The following UBAP2L variants were observed in gnomAD, a reference collection of about 807,000 sequenced individuals.
UBAP2L encodes ubiquitin-associated protein 2-like.
UBAP2L carries 12 observed loss-of-function variants against 130.6 expected under a neutral mutation model. The observed-to-expected ratio is 0.09, with a 90% CI of 0.06 to 0.15. UBAP2L has a LOEUF of 0.15. Ranked by LOEUF, UBAP2L falls within the 10% of genes least tolerant of loss-of-function variation. The pLI is 1.00. For synonymous variants in UBAP2L, 503 were observed against 524.7 expected (o/e 0.96, Z 0.57); for missense variants, 965 against 1,332.5 (o/e 0.72, Z 4.29).
chr1:154,271,067 T>C (rs1345023402), downstream of UBAP2L: 1 of 931,188 alleles, frequency 1.1e-6, no homozygotes, highest in Non-Finnish European at 1.6e-6. Flanking sequence ...CCCTAAGACT[T>C]TCACAACCTG....
intron 7 of UBAP2L, among the ~76,000 whole-genome samples, 171 bp downstream of exon 7, chr1:154,236,782 A>C (rs1338073236): frequency 6.6e-6 from 1 of 152,182 alleles, no homozygotes; most frequent in African/African-American, 2.4e-5. Flanking sequence ...TATATTTTAT[A>C]TATCTTTATT....
rs372565414 is a variant in UBAP2L at position 154,261,721 on chromosome 1, C to A, written c.2902+24C>A. On this transcript the variant is annotated intron_variant, in intron 24 of 26. Transcript: ENST00000428931. Reference sequence around the variant, plus strand: ...TGGTAAGCTGACCTTGTCTCTGGCTCGGTGTTATCTGTGGGGTGTTATTGG... The same window carrying A: ...TGGTAAGCTGACCTTGTCTCTGGCTAGGTGTTATCTGTGGGGTGTTATTGG... The A allele has an allele frequency of 1.1e-5, 17 of 1,608,358 alleles. No individual in the cohort carries two copies. The South Asian group carries it at 1.6e-4, about 16-fold the overall frequency.
intron 3 of UBAP2L, among the ~76,000 whole-genome samples, chr1:154,228,220 C>T (rs1367764383): frequency 6.6e-6 from 1 of 151,300 alleles, no homozygotes; most frequent in Non-Finnish European, 1.5e-5. Flanking sequence ...CGGAGTCTTG[C>T]TCTGTGGTCC....
chr1:154,260,085 G>C (rs1681030776), intron 22 of UBAP2L, 56 bp downstream of exon 22: 2 of 1,541,610 alleles, frequency 1.3e-6, no homozygotes, highest in Non-Finnish European at 1.8e-6. Context: ...GGGATTGATG[G>C]CAGACACCTG....
chr1:154,269,653 C>T (rs372636633), intron 26 of UBAP2L: 288 of 346,616 alleles, frequency 8.3e-4, no homozygotes, highest in Non-Finnish European at 1.3e-3. Context: ...GGAAAAGATT[C>T]TTGGGGCAGC....
intron 25 of UBAP2L, among the ~76,000 whole-genome samples, chr1:154,267,877 G>GTTTTTT (rs1683753532): frequency 2.7e-5 from 2 of 73,616 alleles, no homozygotes; most frequent in Non-Finnish European, 6.1e-5. Context: ...CCTCTTATTT[G>GTTTTTT]GTCTTTTTTT....
chr1:154,225,027 G>C, intron 1 of UBAP2L, 57 bp from the exon 2 acceptor site: 1 of 1,139,560 alleles, frequency 8.8e-7, no homozygotes, highest in Admixed American at 2.0e-5. Flanking sequence ...GCTGATGAGA[G>C]AGTTAAAAAC....
chr1:154,243,404 A>G, intron 10 of UBAP2L, 102 bp downstream of exon 10: 4 of 908,198 alleles, frequency 4.4e-6, no homozygotes, highest in Non-Finnish European at 6.7e-6. Flanking sequence ...TGGTGTCAAT[A>G]ATAATAACCA....
intron 8 of UBAP2L, among the ~76,000 whole-genome samples, chr1:154,241,161 T>C (rs1388198796): frequency 6.6e-6 from 1 of 152,142 alleles, no homozygotes; most frequent in Non-Finnish European, 1.5e-5. Flanking sequence ...CGATCTCAGC[T>C]CACTGCAACC....
intron 21 of UBAP2L, 177 bp from the exon 22 acceptor site, chr1:154,259,771 G>C (rs572728365): frequency 8.9e-5 from 69 of 772,732 alleles, no homozygotes; most frequent in Middle Eastern, 8.9e-4. Context: ...TGGCCAGGCA[G>C]GGGGGACAGT....
intron 11 of UBAP2L, among the ~76,000 whole-genome samples, chr1:154,247,972 T>A (rs555833375): frequency 0.036 from 5,473 of 150,226 alleles, 137 homozygotes; most frequent in Middle Eastern, 0.075. Context: ...TTATTTATTT[T>A]TTATTTTTTT....
At chr1:154,252,278 A>ATTTT (rs1186353284) in intron 14 of UBAP2L, among the ~76,000 whole-genome samples, 1 of 108,998 alleles carries the variant, frequency 9.2e-6, no homozygotes, top group Non-Finnish European at 1.9e-5. Flanking sequence ...CCCAGCCCAG[A>ATTTT]TTTTTTTTTT....
chr1:154,230,674 G>A (rs1669554228), intron 4 of UBAP2L, among the ~76,000 whole-genome samples: 1 of 152,116 alleles, frequency 6.6e-6, no homozygotes, highest in Admixed American at 6.6e-5. Flanking sequence ...AGTGCTATAA[G>A]GCTGATGTTA....
At chr1:154,227,588 C>T (rs1668394847) in intron 3 of UBAP2L, among the ~76,000 whole-genome samples, 1 of 151,426 alleles carries the variant, frequency 6.6e-6, no homozygotes, top group Non-Finnish European at 1.5e-5. Context: ...ACTCTGTCAC[C>T]CAGGCTGGAG....
intron 10 of UBAP2L, among the ~76,000 whole-genome samples, 197 bp downstream of exon 10, chr1:154,243,499 C>T (rs868450042): frequency 6.0e-5 from 9 of 151,222 alleles, no homozygotes; most frequent in African/African-American, 1.7e-4. Flanking sequence ...CTCACTGTAT[C>T]GGCCAGGCTG....
At chr1:154,263,077 A>G (rs1682106572) in intron 24 of UBAP2L, 5 of 1,550,244 alleles carry the variant, frequency 3.2e-6, no homozygotes, top group Non-Finnish European at 4.4e-6. Flanking sequence ...CCATTCATTT[A>G]TTTTTATGTA....
intron 4 of UBAP2L, among the ~76,000 whole-genome samples, chr1:154,231,701 A>G (rs999988813): frequency 2.6e-5 from 4 of 152,126 alleles, no homozygotes; most frequent in African/African-American, 7.2e-5. Flanking sequence ...ACTTAGTGTA[A>G]TGTTTCAAGG....
At chr1:154,220,299 G>C, upstream of UBAP2L, 1 of 1,608,906 alleles carries the variant, frequency 6.2e-7, no homozygotes, top group South Asian at 1.1e-5. Flanking sequence ...GTCTCTACTG[G>C]GTAAGATGCG....
At chr1:154,271,194 T>A, downstream of UBAP2L, 1 of 420,214 alleles carries the variant, frequency 2.4e-6, no homozygotes, top group Non-Finnish European at 4.2e-6. Context: ...ATGGAGAGGA[T>A]CAAGAAGGAG....
Sources: allele counts gnomAD v4.1 joint callset (sites outside exome capture counted in the v4.1 genomes callset), GRCh38; gene constraint gnomAD v4.1.1; transcripts MANE v1.5; gene names NCBI Gene and HGNC (gene_info 2026-07-23, HGNC 2026-07-21).